The following LILRB5 variants were observed in gnomAD, a reference collection of about 807,000 sequenced individuals.
LILRB5 encodes leukocyte immunoglobulin-like receptor subfamily B member 5.
Under a neutral mutation model 68.4 loss-of-function variants are expected in LILRB5, and 61 were observed. The observed-to-expected ratio is 0.89, with a 90% CI of 0.73 to 1.10. The LOEUF is 1.10. LILRB5 is among the 50% of genes least tolerant of loss of function. LILRB5 has a pLI of 0.00. For synonymous variants in LILRB5, 356 were observed against 315.8 expected, an observed-to-expected ratio of 1.13 and a Z score of -1.35; for missense variants, 771 against 751.6, an observed-to-expected ratio of 1.03 and a Z score of -0.30.
chr19:54,255,494 G>C lies in LILRB5; in HGVS notation c.744C>G (p.Val248=). ...GSLTLQCRSD[V]GYDIFVLYKE... ...TGTACAGAACGAATATGTCATAGCC[G>C]ACATCAGAGCGACACTGCAGGGTCA... The change falls in exon 5 of 13, where the codon GTC becomes GTG. Residue 248 remains valine, a synonymous_variant. Coordinates refer to ENST00000449561, the MANE Select transcript of LILRB5 (RefSeq NM_001081442.3). 2.5e-6 allele frequency: 4 copies of C among 1,614,048 alleles called. No individual in the cohort carries two copies. In the South Asian group the frequency reaches 3.3e-5, roughly 13 times the overall value.
At chr19:54,255,707 G>A (rs1366939612) in intron 4 of LILRB5, 125 bp from the exon 5 acceptor site, 2 of 1,208,198 alleles carry the variant, frequency 1.7e-6, no homozygotes, top group Non-Finnish European at 2.3e-6. Context: ...GGATCCCGGG[G>A]CCTCCTTCTC....
intron 4 of LILRB5, 40 bp downstream of exon 4, chr19:54,256,003 T>C (rs747474401): frequency 5.4e-6 from 8 of 1,478,250 alleles, no homozygotes; most frequent in Non-Finnish European, 6.3e-6. Context: ...ACCTATCTGG[T>C]TCCCCAAAAT....
intron 4 of LILRB5, 21 bp from the exon 5 acceptor site, chr19:54,255,603 G>C (rs748945461): frequency 1.9e-6 from 3 of 1,605,254 alleles, no homozygotes; most frequent in South Asian, 2.2e-5. Context: ...AGAGGAATTG[G>C]GACTTGGAAG....
Position 54,256,324 on chromosome 19 carries a change from G to A in LILRB5, c.374C>T (p.Thr125Ile). Residue 125 changes from threonine (T) to isoleucine (I), a missense_variant, in exon 4 of 13, where the codon ACT (threonine) becomes ATT (isoleucine). By Grantham distance (89) the Thr-to-Ile change is moderately conservative (BLOSUM62 -1). Coordinates refer to ENST00000449561, the MANE Select transcript of LILRB5 (RefSeq NM_001081442.3). ...CACAGGACTCGGCAGGGCTAAAAGA[G>A]TGGGTTCTGCATAGAATCCTAGCAG... ...LVATGFYAEP[T>I]LLALPSPVVA... 3.1e-6 allele frequency: 5 copies of A among 1,610,346 alleles called. No homozygotes were observed. The highest frequency in any genetic ancestry group is 4.2e-6 in the Non-Finnish European group (5 of 1,178,556).
At position 54,250,805 on chromosome 19, in the gene LILRB5, G is replaced by A. The variant is rs764819146; in HGVS notation, c.1757C>T (p.Ala586Val). The change falls in exon 13 of 13, where the codon GCC (alanine) becomes GTC (valine). Residue 586 changes from alanine (A) to valine (V), a missense_variant. By Grantham distance (64) the Ala-to-Val change is moderately conservative. Transcript: ENST00000449561. ...CGTGGGCTAGTGGATGGCCAGGGGG[G>A]CGTAGATGCTGGGTTCAGCTGGAGG... ...REPPAEPSIY[A>V]PLAIH The A allele has an allele frequency of 1.9e-6, 3 of 1,614,140 alleles. No individual in the cohort carries two copies. The South Asian group carries it at 3.3e-5, about 18-fold the overall frequency.
rs781560547 is a variant in LILRB5 at position 54,252,966 on chromosome 19, A to C, written c.1379T>G (p.Val460Gly). The change falls in exon 9 of 13, where the codon GTT (valine) becomes GGT (glycine). Residue 460 changes from valine to glycine, a missense_variant. Val to Gly is a moderately radical substitution (Grantham distance 109). Transcript: ENST00000449561. ...GAAGGCCACTGAGACCCCAGTCACA[A>C]CCCCCAGGTGCCTTCCCAGACCTTG... ...PQSGLGRHLG[V>G]VTGVSVAFVL... 3.2e-6 allele frequency: 5 copies of C among 1,561,462 alleles called. No homozygotes were observed. Among genetic ancestry groups the C allele is most frequent in the Non-Finnish European group, 4.4e-6 (5 of 1,147,060 alleles).
chr19:54,255,327 C>A lies in LILRB5; in HGVS notation c.911G>T (p.Arg304Met), dbSNP rs372184093. The change falls in exon 5 of 13, where the codon AGG becomes ATG. Residue 304 changes from arginine (R) to methionine (M), a missense_variant. By Grantham distance (91) the Arg-to-Met change is moderately conservative. Coordinates refer to ENST00000449561, the MANE Select transcript of LILRB5 (RefSeq NM_001081442.3). The stretch of plus-strand genomic sequence containing the variant: ...CAGGGGGTCGCTGGGGGCCGACCAC[C>A]TAGGGGAGAGGTTGTGTGCACCGTA... ...RCYGAHNLSP[R>M]WSAPSDPLDI... 4 of 1,613,742 alleles carry A rather than the reference C, an allele frequency of 2.5e-6. No individual in the cohort carries two copies. Among genetic ancestry groups the A allele is most frequent in the Admixed American group, 1.7e-5 (1 of 60,006 alleles).
chr19:54,250,658 G>T lies in LILRB5; in HGVS notation c.*128C>A. 2 of 1,169,256 alleles carry T rather than the reference G, an allele frequency of 1.7e-6. No homozygotes were observed. The highest frequency in any genetic ancestry group is 2.6e-4 in the Middle Eastern group (1 of 3,912). 72.4% of individuals were successfully genotyped at this position (1,169,256 alleles called of 1,614,324 possible). Reference sequence around the variant, plus strand: ...TAGTGAGTCCCAGAGTTCCCAGGATGTCCTGGTGGTCTTTGTTAGGGGTCC... The same window carrying T: ...TAGTGAGTCCCAGAGTTCCCAGGATTTCCTGGTGGTCTTTGTTAGGGGTCC... On this transcript the variant is annotated 3_prime_UTR_variant, in exon 13 of 13. Transcript: ENST00000449561.
At chr19:54,251,090 G>C in intron 12 of LILRB5, 158 bp from the exon 13 acceptor site, 4 of 1,496,298 alleles carry the variant, frequency 2.7e-6, no homozygotes, top group Non-Finnish European at 3.7e-6. Context: ...GGAAGGAGGA[G>C]AGGCCATTTC....
intron 8 of LILRB5, 42 bp from the exon 9 acceptor site, chr19:54,253,029 T>C: frequency 7.3e-7 from 1 of 1,370,652 alleles, no homozygotes; most frequent in Non-Finnish European, 1.0e-6. Context: ...ACGTCATTGA[T>C]GTGAGCACCT....
chr19:54,254,249 T>C, intron 7 of LILRB5, 116 bp downstream of exon 7: 1 of 1,458,252 alleles, frequency 6.9e-7, no homozygotes, highest in Non-Finnish European at 9.2e-7. Context: ...TCTGCCCAGC[T>C]CCCTGGAGGG....
chr19:54,253,044 T>A, intron 8 of LILRB5, 57 bp from the exon 9 acceptor site: 1 of 1,207,480 alleles, frequency 8.3e-7, no homozygotes, highest in Non-Finnish European at 1.1e-6. Flanking sequence ...GCACCTTCTG[T>A]GTGCAGGCGC....
At position 54,257,164 on chromosome 19, in the gene LILRB5, G is replaced by T. The variant is rs747011677; in HGVS notation, c.30C>A (p.Cys10Ter). The T allele has an allele frequency of 6.2e-7, 1 of 1,614,204 alleles. No homozygotes were observed. The change falls in exon 1 of 13, where the codon TGC becomes TGA. Residue 10 changes from cysteine (C) to a stop codon, truncating the protein, a stop_gained. Transcript: ENST00000449561. LOFTEE classifies it high-confidence loss of function. ...TTCCCCCTCTTCAAACCTCACCGAG[G>T]CAAATCAGGACTGAGAGGGTGAGGG... The part of the protein sequence containing the change: MTLTLSVLI[C>*]LGLSVGPRTC...
chr19:54,255,617 G>T, intron 4 of LILRB5, 35 bp from the exon 5 acceptor site: 3 of 1,594,508 alleles, frequency 1.9e-6, no homozygotes, highest in Non-Finnish European at 1.7e-6. Flanking sequence ...TTGGAAGGCT[G>T]GTTCCTCCCC....
rs972617466 is a variant in LILRB5, at chr19:54,250,686, G to T, written c.*100C>A. On this transcript the variant is annotated 3_prime_UTR_variant, in exon 13 of 13. Transcript: ENST00000449561. ...CTGGTGGTCTTTGTTAGGGGTCCAG[G>T]CTGGCTGGGGTTCATTGGTGTCCAC... The T allele has an allele frequency of 7.4e-6, 11 of 1,486,912 alleles. No homozygotes were observed. The African/African-American group carries it at 1.5e-4, about 21-fold the overall frequency. 92.1% of individuals were successfully genotyped at this position (1,486,912 alleles called of 1,614,324 possible). A position where few individuals can be genotyped will look rare whatever the true frequency, so the allele number is the denominator to read the frequency against.
intron 12 of LILRB5, chr19:54,251,582 T>C (rs1186686486): frequency 7.1e-6 from 4 of 565,726 alleles, no homozygotes; most frequent in African/African-American, 1.9e-5. Context: ...TTATGTTCCT[T>C]ACAGCACGTT....
intron 8 of LILRB5, chr19:54,253,673 T>A: frequency 2.9e-6 from 2 of 700,048 alleles, no homozygotes. Flanking sequence ...CACGGTGGGA[T>A]GCGGCAGAGC....
At chr19:54,255,081 T>G in intron 5 of LILRB5, 44 bp from the exon 6 acceptor site, 3 of 1,555,472 alleles carry the variant, frequency 1.9e-6, no homozygotes, top group Admixed American at 3.7e-5. Flanking sequence ...CACCTTGCTC[T>G]GAGCTGAGAC....
Position 54,254,389 on chromosome 19 carries a change from G to A in LILRB5, c.1282C>T (p.Pro428Ser). The change falls in exon 7 of 13, where the codon CCT (proline) becomes TCT (serine). Residue 428 changes from proline (P) to serine (S), a missense_variant. Pro to Ser is a moderately conservative substitution (Grantham distance 74, BLOSUM62 -1). Transcript: ENST00000449561. ...SGPSGDPSLS[P>S]TGSTPTPAGP... is the part of the protein sequence containing the mutation. ...CCAGGTGTGGGGGTGGAGCCTGTAG[G>A]TGAGAGGCTGGGATCCCCAGAGGGT... 6.3e-7 allele frequency: 1 copy of A among 1,585,646 alleles called. No individual in the cohort carries two copies.
Sources: gnomAD v4.1 joint callset for allele counts on GRCh38, gnomAD v4.1.1 for gene constraint, MANE v1.5 for transcripts, NCBI Gene and HGNC (gene_info 2026-07-23, HGNC 2026-07-21) for gene names.